Variants in RB1 observed in about 807,000 individuals in gnomAD.
RB1 encodes the protein retinoblastoma-associated protein.
In RB1, 18 loss-of-function variants were observed where a neutral mutation model predicts 135.4. That is an observed-to-expected ratio of 0.13 (90% CI 0.09 to 0.20). The LOEUF is 0.20. Ranked by LOEUF, RB1 falls within the 10% of genes least tolerant of loss-of-function variation. The pLI is 1.00. For missense variants in RB1, 868 were observed against 1,110.0 expected (o/e 0.78, Z 3.10); for synonymous variants, 365 against 373.2 (o/e 0.98, Z 0.25).
At chr13:48,384,232 G>A (rs906401880) in intron 17 of RB1, among the ~76,000 whole-genome samples, 1 of 152,110 alleles carries the variant, frequency 6.6e-6, no homozygotes, top group African/African-American at 2.4e-5. Flanking sequence ...ATCTCTGGCA[G>A]ATGAAACTAT....
At chr13:48,421,272 G>C (rs186453618) in intron 17 of RB1, among the ~76,000 whole-genome samples, 4 of 149,860 alleles carry the variant, frequency 2.7e-5, no homozygotes, top group African/African-American at 9.7e-5. Flanking sequence ...TGAGACAAAG[G>C]ATTCCGTTTA....
chr13:48,304,863 GATC>G (rs576428856), intron 1 of RB1, among the ~76,000 whole-genome samples: 3,599 of 152,168 alleles, frequency 0.024, 148 homozygotes, highest in East Asian at 0.14. Flanking sequence ...AACCAGCAAG[GATC>G]TTGGTGTCCC....
At chr13:48,439,520 AT>A (rs1429515306) in intron 17 of RB1, 2 of 152,164 alleles carry the variant, frequency 1.3e-5, no homozygotes, top group African/African-American at 4.8e-5. Context: ...TCCACACAAC[AT>A]TTTTGCCCAC....
At chr13:48,461,886 G>C (rs1181161486) in intron 20 of RB1, among the ~76,000 whole-genome samples, 1 of 152,174 alleles carries the variant, frequency 6.6e-6, no homozygotes, top group Non-Finnish European at 1.5e-5. Flanking sequence ...AGGCTAGAGT[G>C]CAGTGGCACG....
chr13:48,335,570 T>C (rs1187986019), intron 2 of RB1, among the ~76,000 whole-genome samples: 1 of 152,158 alleles, frequency 6.6e-6, no homozygotes, highest in African/African-American at 2.4e-5. Flanking sequence ...TTCTCAAATA[T>C]GTTTGTTGAA....
chr13:48,328,790 C>T (rs572388720), intron 2 of RB1, among the ~76,000 whole-genome samples: 1 of 152,258 alleles, frequency 6.6e-6, no homozygotes, highest in African/African-American at 2.4e-5. Flanking sequence ...GGATTCAAAT[C>T]AGTGTGGAGA....
At chr13:48,419,166 A>G (rs1427306539) in intron 17 of RB1, among the ~76,000 whole-genome samples, 4 of 152,200 alleles carry the variant, frequency 2.6e-5, no homozygotes, top group Non-Finnish European at 5.9e-5. Context: ...AATGCAAAAC[A>G]ATGGAAATCA....
chr13:48,339,584 G>A (rs935661074), intron 2 of RB1, among the ~76,000 whole-genome samples: 4 of 152,158 alleles, frequency 2.6e-5, no homozygotes, highest in Admixed American at 6.5e-5. Flanking sequence ...AGCTTCCCTT[G>A]GCTAGGAAAG....
chr13:48,362,948 T>C lies in RB1; in HGVS notation c.852T>C (p.Asn284=), dbSNP rs1952657073. ...TTCTCTGTAAAGAACATGAATGTAA[T>C]ATAGATGAGGTAATTTAACTTCATG... ...IEVLCKEHEC[N]IDEVKNVYFK... Residue 284 remains asparagine, a synonymous_variant, in exon 8 of 27, where the codon AAT becomes AAC. Coordinates refer to ENST00000267163, the MANE Select transcript of RB1 (RefSeq NM_000321.3). The C allele has an allele frequency of 1.9e-6, 3 of 1,612,572 alleles. No homozygotes were observed. In the Admixed American group the frequency reaches 5.0e-5, roughly 27 times the overall value.
chr13:48,373,074 T>C (rs1391558229), intron 11 of RB1, among the ~76,000 whole-genome samples: 1 of 152,214 alleles, frequency 6.6e-6, no homozygotes, highest in East Asian at 1.9e-4. Context: ...TTGGTTGTAA[T>C]AATGTTTTCT....
intron 17 of RB1, among the ~76,000 whole-genome samples, chr13:48,395,614 C>G (rs921012016): frequency 2.7e-5 from 4 of 149,654 alleles, no homozygotes; most frequent in Admixed American, 6.7e-5. Context: ...ATCGATCAAG[C>G]AGAAAAAAAG....
intron 17 of RB1, among the ~76,000 whole-genome samples, chr13:48,451,577 T>G (rs1036025345): frequency 2.0e-5 from 3 of 152,090 alleles, no homozygotes; most frequent in Admixed American, 1.3e-4. Flanking sequence ...GGCCTGAAGT[T>G]TTCTTTTTTT....
chr13:48,347,895 TA>T (rs749607535), intron 5 of RB1, 32 bp downstream of exon 5: 781 of 1,500,440 alleles, frequency 5.2e-4, no homozygotes, highest in Non-Finnish European at 5.9e-4. Context: ...ATTTTTCACT[TA>T]AAAAAAAAGA....
chr13:48,476,619 C>T (rs1949505180), intron 24 of RB1, 82 bp from the exon 25 acceptor site: 1 of 1,424,346 alleles, frequency 7.0e-7, no homozygotes, highest in South Asian at 1.2e-5. Context: ...ATTTTTGACA[C>T]ACCTCAAACT....
At chr13:48,418,566 G>A (rs1340524079) in intron 17 of RB1, among the ~76,000 whole-genome samples, 1 of 152,092 alleles carries the variant, frequency 6.6e-6, no homozygotes, top group Non-Finnish European at 1.5e-5. Context: ...CGGGCTAAGT[G>A]CCACAATTAA....
In RB1 at chr13:48,373,387, T is replaced by G. The variant is rs1952783031; in HGVS notation, c.1128-18T>G. On this transcript the variant is annotated intron_variant, in intron 11 of 26. Coordinates refer to ENST00000267163, the MANE Select transcript of RB1 (RefSeq NM_000321.3). ...CCCTTCATTGCTTAACACATTTTCC[T>G]ATTTTTATCCCCTCTAGGACTGTTA... 6.8e-7 allele frequency: 1 copy of G among 1,472,556 alleles called. No individual in the cohort carries two copies. Among genetic ancestry groups the G allele is most frequent in the African/African-American group, 1.4e-5 (1 of 71,988 alleles). 91.2% of individuals were successfully genotyped at this position (1,472,556 alleles called of 1,614,324 possible). A position where few individuals can be genotyped will look rare whatever the true frequency, so the allele number is the denominator to read the frequency against.
chr13:48,315,988 C>T (rs1382368265), intron 2 of RB1, among the ~76,000 whole-genome samples: 1 of 152,220 alleles, frequency 6.6e-6, no homozygotes, highest in African/African-American at 2.4e-5. Context: ...TCCCTTTTCA[C>T]TGCATCCTCG....
intron 17 of RB1, among the ~76,000 whole-genome samples, chr13:48,451,351 A>C (rs1949325972): frequency 1.3e-5 from 2 of 152,122 alleles, no homozygotes; most frequent in African/African-American, 2.4e-5. Context: ...AATTTTATCA[A>C]AGGCCTCTTC....
At chr13:48,330,656 A>G (rs1322354015) in intron 2 of RB1, among the ~76,000 whole-genome samples, 1 of 152,214 alleles carries the variant, frequency 6.6e-6, no homozygotes, top group Non-Finnish European at 1.5e-5. Flanking sequence ...GGACTGAATC[A>G]GTAATCAAAA....
Sources: gnomAD v4.1 joint callset for allele counts (sites outside exome capture counted in the v4.1 genomes callset) on GRCh38, gnomAD v4.1.1 for gene constraint, MANE v1.5 for transcripts, NCBI Gene and HGNC (gene_info 2026-07-23, HGNC 2026-07-21) for gene names.